Variants in TSNARE1 observed in about 807,000 individuals in gnomAD.
TSNARE1 encodes the protein t-SNARE domain-containing protein 1.
A neutral mutation model predicts 62.0 loss-of-function variants in TSNARE1; 49 were observed. The ratio of observed to expected loss-of-function variants is 0.79; its 90% CI spans 0.63 to 1.00. The LOEUF is 1.00. Among genes scored for constraint, TSNARE1 ranks in the 50% least tolerant of loss-of-function variants. TSNARE1 has a pLI of 0.00. For synonymous variants in TSNARE1, 328 were observed against 294.4 expected (o/e 1.11, Z -1.17); for missense variants, 755 against 700.1 (o/e 1.08, Z -0.88).
rs1816349189 is a variant in TSNARE1, at chr8:142,222,316, CCACTAATTCACTCACTCGCT to C, written c.*11+7137_*11+7156del. ...CTCACTCATTCACTCACTCACTCAT[CCACTAATTCACTCACTCGCT>C]CACTCATCCACTCACTCACTCACTC... On this transcript the variant is annotated intron_variant, in intron 13 of 13. Transcript: ENST00000524325. 1.8e-4 allele frequency among the ~76,000 whole-genome samples: 5 copies of C among 27,434 alleles called. 2 individuals are homozygous for C. Among genetic ancestry groups the C allele is most frequent in the African/African-American group, 5.2e-4 (5 of 9,702 alleles). 18.0% of individuals were successfully genotyped at this position (27,434 alleles called of 152,430 possible). A position where few individuals can be genotyped will look rare whatever the true frequency, so the allele number is the denominator to read the frequency against.
At chr8:142,329,940 G>T (rs1238564414) in intron 6 of TSNARE1, among the ~76,000 whole-genome samples, 1 of 152,244 alleles carries the variant, frequency 6.6e-6, no homozygotes. Context: ...GATTTTGAAC[G>T]GAGCCGCCGT....
At chr8:142,274,010 G>A in intron 12 of TSNARE1, 6 of 985,330 alleles carry the variant, frequency 6.1e-6, no homozygotes, top group Non-Finnish European at 7.2e-6. Flanking sequence ...AAGAGTGTGT[G>A]CTCTCCTGGC....
intron 9 of TSNARE1, among the ~76,000 whole-genome samples, chr8:142,303,701 A>G (rs1406916752): frequency 6.6e-6 from 1 of 152,248 alleles, no homozygotes; most frequent in Non-Finnish European, 1.5e-5. Flanking sequence ...AAGCCACCCC[A>G]GGCAGGTGCG....
rs1477007266 is a variant in TSNARE1 at position 142,223,176 on chromosome 8, A to C, written c.*11+6297T>G. Among the ~76,000 whole-genome samples, 15 of 8,958 alleles carry C rather than the reference A, an allele frequency of 1.7e-3. 1 individual carries two copies. Among genetic ancestry groups the C allele is most frequent in the East Asian group, 4.6e-3 (1 of 218 alleles). The allele number at this position is 8,958 out of a possible 152,430, so 5.9% of individuals were successfully genotyped here. A position where few individuals can be genotyped will look rare whatever the true frequency, so the allele number is the denominator to read the frequency against. Reference sequence around the variant, plus strand: ...CACTCATTCACTCACTCACTCAAGTATTCACTCATTCACTCGTTCACTCAC... The same window carrying C: ...CACTCATTCACTCACTCACTCAAGTCTTCACTCATTCACTCGTTCACTCAC... On this transcript the variant is annotated intron_variant, in intron 13 of 13. Transcript: ENST00000524325.
At chr8:142,260,728 C>G (rs1400431962) in intron 12 of TSNARE1, among the ~76,000 whole-genome samples, 1 of 151,736 alleles carries the variant, frequency 6.6e-6, no homozygotes, top group Non-Finnish European at 1.5e-5. Context: ...GGGGGAAGCA[C>G]AGAGGGCACA....
intron 11 of TSNARE1, among the ~76,000 whole-genome samples, chr8:142,281,689 C>G (rs775920078): frequency 6.6e-6 from 1 of 152,052 alleles, no homozygotes; most frequent in Non-Finnish European, 1.5e-5. Flanking sequence ...CAAGGGCAAC[C>G]CCATAGAGGA....
chr8:142,338,380 C>G (rs768265867), intron 4 of TSNARE1, among the ~76,000 whole-genome samples: 2 of 152,208 alleles, frequency 1.3e-5, no homozygotes, highest in Non-Finnish European at 2.9e-5. Flanking sequence ...ACGAGGGGGT[C>G]CCCAGGGCAG....
intron 12 of TSNARE1, among the ~76,000 whole-genome samples, chr8:142,241,587 C>T (rs1057412829): frequency 1.3e-5 from 2 of 152,126 alleles, no homozygotes; most frequent in Admixed American, 1.3e-4. Context: ...GGAGAGGTCA[C>T]ATTAAATAAT....
In TSNARE1 at chr8:142,360,486, G is replaced by A. The variant is rs1009272952; in HGVS notation, c.-39-5723C>T. 2.0e-5 allele frequency among the ~76,000 whole-genome samples: 3 copies of A among 152,258 alleles called. No homozygotes were observed. The Middle Eastern group carries it at 0.01, about 518-fold the overall frequency. On this transcript the variant is annotated intron_variant, in intron 1 of 13. Transcript: ENST00000524325. Reference sequence around the variant, plus strand: ...TTGCCCAAGAATAGCCCGAGCTCCAGGGCTGCCTCAATGAGGCCGGACGGA... The same window carrying A: ...TTGCCCAAGAATAGCCCGAGCTCCAAGGCTGCCTCAATGAGGCCGGACGGA...
chr8:142,221,785 TCATC>T (rs756905525), intron 13 of TSNARE1, among the ~76,000 whole-genome samples: 77,566 of 137,424 alleles, frequency 0.56, 36,215 homozygotes, highest in Non-Finnish European at 0.6. Context: ...ATTCACTCAC[TCATC>T]CACTCATTCA....
At chr8:142,270,033 G>A in intron 12 of TSNARE1, 1 of 985,426 alleles carries the variant, frequency 1.0e-6, no homozygotes, top group Non-Finnish European at 1.2e-6. Context: ...TCCCACTCAA[G>A]CCAGTCAGCC....
At chr8:142,350,744 G>A (rs1833991826) in intron 2 of TSNARE1, among the ~76,000 whole-genome samples, 1 of 152,204 alleles carries the variant, frequency 6.6e-6, no homozygotes, top group Non-Finnish European at 1.5e-5. Context: ...AAAGGGTTTA[G>A]CAACATGGCT....
In TSNARE1 at chr8:142,291,772, G is replaced by A. The variant is rs1321535286; in HGVS notation, c.1291-7287C>T. ...ACACCCCTGGAGTCAGGGCCTGCCA[G>A]TGAAAGGGAGCCAGCGGCTCAGGCG... On this transcript the variant is annotated intron_variant, in intron 10 of 13. Coordinates refer to ENST00000524325, the MANE Select transcript of TSNARE1 (RefSeq NM_145003.5). This position sits in a 1 kb window ranked among gnomAD's most constrained non-coding sequence, Gnocchi z 4.8. Among the ~76,000 whole-genome samples, 1 of 152,132 alleles carries A rather than the reference G, an allele frequency of 6.6e-6. No homozygotes were observed. Among genetic ancestry groups the A allele is most frequent in the Non-Finnish European group, 1.5e-5 (1 of 68,024 alleles).
At chr8:142,364,753 C>A (rs781553790) in intron 1 of TSNARE1, among the ~76,000 whole-genome samples, 7 of 152,072 alleles carry the variant, frequency 4.6e-5, no homozygotes, top group Non-Finnish European at 7.3e-5. Flanking sequence ...CAAATCTGGA[C>A]AATCTGAGCA....
At chr8:142,268,495 G>A (rs1034431665) in intron 12 of TSNARE1, among the ~76,000 whole-genome samples, 6 of 152,204 alleles carry the variant, frequency 3.9e-5, no homozygotes, top group Admixed American at 3.9e-4. Context: ...CGTCCTGCAG[G>A]GAAGCCCCCG....
chr8:142,230,762 A>G (rs1371028130), intron 12 of TSNARE1, among the ~76,000 whole-genome samples: 2 of 106,238 alleles, frequency 1.9e-5, no homozygotes, highest in African/African-American at 7.2e-5. Context: ...AAATCCATTA[A>G]TGCAACCATC....
chr8:142,221,518 G>A (rs756360157), intron 13 of TSNARE1, among the ~76,000 whole-genome samples: 3 of 152,200 alleles, frequency 2.0e-5, no homozygotes, highest in African/African-American at 7.2e-5. Flanking sequence ...TTGATTGATC[G>A]TTGCCTGGAT....
chr8:142,331,650 A>G, intron 5 of TSNARE1, 104 bp downstream of exon 5: 1 of 1,138,192 alleles, frequency 8.8e-7, no homozygotes, highest in Non-Finnish European at 1.3e-6. Flanking sequence ...GCACCGCAGG[A>G]TGGCCTGAGG....
At chr8:142,376,027 G>A (rs575791170) in intron 1 of TSNARE1, among the ~76,000 whole-genome samples, 3 of 152,324 alleles carry the variant, frequency 2.0e-5, no homozygotes, top group East Asian at 1.9e-4. Context: ...CGGACCAGCC[G>A]CTATAAACAT....
Sources: allele counts gnomAD v4.1 joint callset (sites outside exome capture counted in the v4.1 genomes callset), GRCh38; gene constraint gnomAD v4.1.1; non-coding constraint Gnocchi (gnomAD v3.1); transcripts MANE v1.5; gene names NCBI Gene and HGNC (gene_info 2026-07-23, HGNC 2026-07-21).